The following ZHX3 variants were observed in gnomAD, a reference collection of about 807,000 sequenced individuals.
ZHX3 encodes the protein zinc fingers and homeoboxes protein 3.
A neutral mutation model predicts 64.5 loss-of-function variants in ZHX3; 20 were observed. The observed-to-expected ratio is 0.31, with a 90% CI of 0.22 to 0.45. The LOEUF is 0.45. Among genes scored for constraint, ZHX3 ranks in the 20% least tolerant of loss-of-function variants. The pLI is 1.00. For synonymous variants in ZHX3, 423 were observed against 461.6 expected, an observed-to-expected ratio of 0.92 and a Z score of 1.07; for missense variants, 1,041 against 1,195.8, an observed-to-expected ratio of 0.87 and a Z score of 1.91.
intron 2 of ZHX3, among the ~76,000 whole-genome samples, chr20:41,220,211 T>G (rs1009216946): frequency 6.6e-6 from 1 of 152,180 alleles, no homozygotes; most frequent in African/African-American, 2.4e-5. Flanking sequence ...TCCGGGGAAC[T>G]TGGGGTAAGG....
At chr20:41,278,608 G>C (rs2146673355) in intron 1 of ZHX3, among the ~76,000 whole-genome samples, 1 of 140,968 alleles carries the variant, frequency 7.1e-6, no homozygotes, top group Non-Finnish European at 1.6e-5. Context: ...TTTCTTTGTG[G>C]AACAGCTTGG....
chr20:41,246,355 T>TAC (rs369919645), intron 2 of ZHX3, among the ~76,000 whole-genome samples: 3 of 152,252 alleles, frequency 2.0e-5, no homozygotes, highest in Admixed American at 6.5e-5. Context: ...TGTGAATTGT[T>TAC]ACACACACAT....
chr20:41,316,890 G>A (rs1188532564), intron 1 of ZHX3: 1 of 152,288 alleles, frequency 6.6e-6, no homozygotes, highest in African/African-American at 2.4e-5. Context: ...GAGGACCTGG[G>A]GCCCACGTGT....
rs58853581 is a variant in ZHX3, at chr20:41,256,304, A to C, written c.-151+12686T>G. Among the ~76,000 whole-genome samples the C allele has an allele frequency of 0.042, 6,332 of 152,188 alleles. 771 individuals carry two copies. In the East Asian group the frequency reaches 0.48, roughly 12 times the overall value. On this transcript the variant is annotated intron_variant, in intron 2 of 3. Coordinates refer to ENST00000683867, the MANE Select transcript of ZHX3 (RefSeq NM_001384317.1). ...TTTAGGGTGTAATACAGTGCCTGGC[A>C]TATAACTGTTGCTGAGAAATACCCA...
At chr20:41,231,118 G>A (rs2040576913) in intron 2 of ZHX3, among the ~76,000 whole-genome samples, 1 of 152,086 alleles carries the variant, frequency 6.6e-6, no homozygotes, top group African/African-American at 2.4e-5. Context: ...GAATCATACA[G>A]GTATGTAGCC....
rs2039194225 is a variant in ZHX3 at position 41,212,036 on chromosome 20, CAG to C, written c.-150-6972_-150-6971del. ...AAAGCACAAACGACAAAAGAAAAAA[CAG>C]ATAAATTGGATGTCATCAAAATTAA... On this transcript the variant is annotated intron_variant, in intron 2 of 3. Coordinates refer to ENST00000683867, the MANE Select transcript of ZHX3 (RefSeq NM_001384317.1). This position sits in a 1 kb window ranked among gnomAD's most constrained non-coding sequence, Gnocchi z 4.3. Among the ~76,000 whole-genome samples the C allele has an allele frequency of 6.6e-6, 1 of 152,084 alleles. No homozygotes were observed. The highest frequency in any genetic ancestry group is 1.5e-5 in the Non-Finnish European group (1 of 68,012).
At chr20:41,279,408 T>C (rs1311216433) in intron 1 of ZHX3, among the ~76,000 whole-genome samples, 2 of 152,100 alleles carry the variant, frequency 1.3e-5, no homozygotes, top group Non-Finnish European at 2.9e-5. Context: ...CTTACAACTT[T>C]AAATGCATTT....
At chr20:41,315,374 T>TA (rs2045259304) in intron 1 of ZHX3, among the ~76,000 whole-genome samples, 1 of 104,292 alleles carries the variant, frequency 9.6e-6, no homozygotes, top group Non-Finnish European at 1.9e-5. Flanking sequence ...TTTTTTTTTT[T>TA]AGTAGAGACG....
intron 1 of ZHX3, among the ~76,000 whole-genome samples, chr20:41,307,726 T>C (rs1283640112): frequency 1.3e-5 from 2 of 152,216 alleles, no homozygotes; most frequent in African/African-American, 4.8e-5. Flanking sequence ...AAAATTTTAC[T>C]CAAACTTCAA....
intron 2 of ZHX3, among the ~76,000 whole-genome samples, chr20:41,210,173 C>T (rs970695243): frequency 4.6e-5 from 7 of 152,124 alleles, no homozygotes; most frequent in African/African-American, 1.2e-4. Flanking sequence ...GTTAGAATGG[C>T]GACCATTAAA....
At chr20:41,298,085 T>G (rs990285203) in intron 1 of ZHX3, among the ~76,000 whole-genome samples, 44 of 152,302 alleles carry the variant, frequency 2.9e-4, no homozygotes, top group Non-Finnish European at 6.0e-4. Flanking sequence ...CTTTTTTTTT[T>G]TATTTATATT....
intron 2 of ZHX3, among the ~76,000 whole-genome samples, chr20:41,240,722 C>T (rs1246360792): frequency 6.6e-6 from 1 of 152,110 alleles, no homozygotes; most frequent in Non-Finnish European, 1.5e-5. Context: ...AAGTTCAATT[C>T]TTTTAATTTT....
intron 2 of ZHX3, among the ~76,000 whole-genome samples, chr20:41,209,428 G>C (rs1478198544): frequency 2.0e-5 from 3 of 152,148 alleles, no homozygotes; most frequent in Non-Finnish European, 4.4e-5. Flanking sequence ...CATGCTACTT[G>C]ACTTCAAACT....
intron 2 of ZHX3, among the ~76,000 whole-genome samples, chr20:41,255,180 C>A (rs1352079899): frequency 1.3e-5 from 2 of 152,038 alleles, no homozygotes; most frequent in African/African-American, 4.8e-5. Context: ...GACATGGAGT[C>A]TCGCACTGTC....
chr20:41,263,045 A>G (rs1446193535), intron 2 of ZHX3, among the ~76,000 whole-genome samples: 1 of 152,230 alleles, frequency 6.6e-6, no homozygotes, highest in Non-Finnish European at 1.5e-5. Context: ...GTTCTGTAAT[A>G]CAGAAGACAT....
chr20:41,256,802 C>T (rs940598262), intron 2 of ZHX3, among the ~76,000 whole-genome samples: 21 of 151,934 alleles, frequency 1.4e-4, no homozygotes, highest in African/African-American at 5.1e-4. Context: ...TTCATCTAAA[C>T]ATGTTATAAA....
chr20:41,236,920 G>GA (rs1289526913), intron 2 of ZHX3, among the ~76,000 whole-genome samples: 3 of 151,912 alleles, frequency 2.0e-5, no homozygotes, highest in Non-Finnish European at 4.4e-5. Context: ...AAATTTACAA[G>GA]AAAAAAACAA....
intron 2 of ZHX3, among the ~76,000 whole-genome samples, chr20:41,258,407 C>G (rs1291942856): frequency 6.6e-6 from 1 of 152,110 alleles, no homozygotes; most frequent in Non-Finnish European, 1.5e-5. Flanking sequence ...GTTTTTTCTA[C>G]CGATGTCCCT....
At chr20:41,206,617 C>T (rs1054400391) in intron 2 of ZHX3, among the ~76,000 whole-genome samples, 6 of 152,130 alleles carry the variant, frequency 3.9e-5, no homozygotes, top group African/African-American at 1.2e-4. Context: ...AAAAAAGAAA[C>T]GAACAAAGCC....
Sources: gnomAD v4.1 joint callset for allele counts (sites outside exome capture counted in the v4.1 genomes callset) on GRCh38, gnomAD v4.1.1 for gene constraint, Gnocchi (gnomAD v3.1) non-coding constraint, MANE v1.5 for transcripts, NCBI Gene and HGNC (gene_info 2026-07-23, HGNC 2026-07-21) for gene names.